The following PTGIS variants were observed in gnomAD, a reference collection of about 807,000 sequenced individuals.
The protein encoded by PTGIS is prostaglandin I2 synthase.
A neutral mutation model predicts 50.3 loss-of-function variants in PTGIS; 45 were observed. The ratio of observed to expected loss-of-function variants is 0.90; its 90% confidence interval spans 0.70 to 1.15. The LOEUF (loss-of-function observed/expected upper bound fraction) is 1.15. Among genes scored for constraint, PTGIS ranks in the 50% most tolerant of loss-of-function variants. PTGIS has a pLI of 0.00. For missense variants in PTGIS, 668 were observed against 661.3 expected, an observed-to-expected ratio of 1.01 and a Z score of -0.11; for synonymous variants, 260 against 267.7, an observed-to-expected ratio of 0.97 and a Z score of 0.28.
chr20:49,567,492 T>A (rs1194997515), intron 1 of PTGIS, among the ~76,000 whole-genome samples: 1 of 152,182 alleles, frequency 6.6e-6, no homozygotes, highest in South Asian at 2.1e-4. Flanking sequence ...TTCCAGGGCA[T>A]GATCAAGACA....
At chr20:49,546,922 C>A (rs1982374981) in intron 3 of PTGIS, among the ~76,000 whole-genome samples, 1 of 152,224 alleles carries the variant, frequency 6.6e-6, no homozygotes, top group South Asian at 2.1e-4. Flanking sequence ...TTCATCTGTT[C>A]TCTTATTGAT....
chr20:49,561,177 T>A (rs1279413001), intron 1 of PTGIS, among the ~76,000 whole-genome samples: 1 of 152,154 alleles, frequency 6.6e-6, no homozygotes, highest in Non-Finnish European at 1.5e-5. Context: ...CCTCTGCCCC[T>A]GTCTCCTGCT....
chr20:49,532,146 T>C (rs1168849085), intron 5 of PTGIS, among the ~76,000 whole-genome samples: 2 of 152,206 alleles, frequency 1.3e-5, no homozygotes, highest in Non-Finnish European at 2.9e-5. Context: ...AATGCTAAAA[T>C]GCTAATAATA....
At chr20:49,553,076 G>A (rs1461355308) in intron 1 of PTGIS, among the ~76,000 whole-genome samples, 2 of 152,032 alleles carry the variant, frequency 1.3e-5, no homozygotes, top group Non-Finnish European at 1.5e-5. Context: ...TAACAAATAA[G>A]CTGGTTTTAA....
intron 2 of PTGIS, 150 bp downstream of exon 2, chr20:49,549,915 TG>T: frequency 8.6e-7 from 1 of 1,160,822 alleles, no homozygotes; most frequent in Non-Finnish European, 1.3e-6. Context: ...GACAGGCAGC[TG>T]GATAGAAAGT....
intron 4 of PTGIS, among the ~76,000 whole-genome samples, chr20:49,543,096 A>G (rs1333176164): frequency 6.6e-6 from 1 of 152,100 alleles, no homozygotes; most frequent in Non-Finnish European, 1.5e-5. Context: ...ATTTAAATTA[A>G]ATTAAATTCT....
At chr20:49,528,992 G>A (rs957986306) in intron 5 of PTGIS, among the ~76,000 whole-genome samples, 1 of 152,116 alleles carries the variant, frequency 6.6e-6, no homozygotes, top group Admixed American at 6.5e-5. Flanking sequence ...GCCTTGCTGA[G>A]GTATAATTGA....
chr20:49,539,090 C>T (rs534550867), intron 5 of PTGIS, among the ~76,000 whole-genome samples: 2 of 152,134 alleles, frequency 1.3e-5, no homozygotes. Context: ...TAACACACAT[C>T]TGTGTGTCTG....
intron 6 of PTGIS, among the ~76,000 whole-genome samples, chr20:49,518,769 C>T (rs111780558): frequency 0.027 from 4,152 of 152,142 alleles, 204 homozygotes; most frequent in African/African-American, 0.094. Context: ...GGTGAGATTC[C>T]ACCCGAGTCT....
chr20:49,549,921 G>A lies in PTGIS; in HGVS notation c.198+145C>T. 4.0e-6 allele frequency: 5 copies of A among 1,258,866 alleles called. No individual in the cohort carries two copies. The Admixed American group carries it at 8.5e-5, about 21-fold the overall frequency. 78.0% of individuals were successfully genotyped at this position (1,258,866 alleles called of 1,614,324 possible). ...GTGCAGCTGGACAGGCAGCTGGATA[G>A]AAAGTTGGCTCGACCACTCAGATGG... On this transcript the variant is annotated intron_variant, in intron 2 of 9. Transcript: ENST00000244043.
At chr20:49,538,684 TTTATTTATTTATTTATTTAA>T (rs947601093) in intron 5 of PTGIS, among the ~76,000 whole-genome samples, 1 of 149,104 alleles carries the variant, frequency 6.7e-6, no homozygotes, top group African/African-American at 2.6e-5. Context: ...TATTTATTTA[TTTATTTATTTATTTATTTAA>T]GACAGAGTCT....
At chr20:49,546,193 G>C (rs79290565) in intron 3 of PTGIS, among the ~76,000 whole-genome samples, 6,205 of 152,274 alleles carry the variant, frequency 0.041, 355 homozygotes, top group African/African-American at 0.13. Context: ...TGTGGCTGCT[G>C]TGCCCAGAAG....
At position 49,539,506 on chromosome 20, in the gene PTGIS, T is replaced by C. The variant is rs950390433; in HGVS notation, c.673+64A>G. On this transcript the variant is annotated intron_variant, in intron 5 of 9. Transcript: ENST00000244043. ...GTTGCCTCTGGTCCTCTACCTTGAA[T>C]TGGGCTCCCCCTCTGGGTCTTTCCA... The C allele has an allele frequency of 4.2e-5, 66 of 1,559,090 alleles. No individual in the cohort carries two copies. The African/African-American group carries it at 7.6e-4, about 18-fold the overall frequency.
At chr20:49,542,292 C>T (rs1397342386) in intron 4 of PTGIS, among the ~76,000 whole-genome samples, 4 of 152,202 alleles carry the variant, frequency 2.6e-5, no homozygotes, top group Non-Finnish European at 5.9e-5. Context: ...ACCCCTTTCA[C>T]CTCTGTGTCC....
At chr20:49,556,652 T>C (rs1982627525) in intron 1 of PTGIS, among the ~76,000 whole-genome samples, 1 of 152,226 alleles carries the variant, frequency 6.6e-6, no homozygotes, top group Admixed American at 6.5e-5. Context: ...AAACTTATTT[T>C]ACAAATAAGT....
Position 49,517,294 on chromosome 20 carries a change from A to G in PTGIS, c.856-2899T>C, listed in dbSNP as rs180807074. Among the ~76,000 whole-genome samples the G allele has an allele frequency of 2.3e-3, 354 of 152,360 alleles. 2 individuals are homozygous for G. Among genetic ancestry groups the G allele is most frequent in the African/African-American group, 8.3e-3 (343 of 41,572 alleles). The stretch of plus-strand genomic sequence containing the variant: ...CTTAGCTCAGCGCCAAGGCCATTTT[A>G]TCTGGCCCAGATGGTTAGATGGGGG... On this transcript the variant is annotated intron_variant, in intron 6 of 9. Coordinates refer to ENST00000244043, the MANE Select transcript of PTGIS (RefSeq NM_000961.4).
intron 1 of PTGIS, among the ~76,000 whole-genome samples, chr20:49,565,127 C>A (rs970223999): frequency 7.1e-6 from 1 of 140,174 alleles, no homozygotes; most frequent in Admixed American, 7.4e-5. Context: ...CCTGCCACCA[C>A]GCCCGGCTAA....
At chr20:49,555,500 C>T (rs913535716) in intron 1 of PTGIS, among the ~76,000 whole-genome samples, 9 of 151,990 alleles carry the variant, frequency 5.9e-5, no homozygotes, top group Admixed American at 2.6e-4. Context: ...GAGACATATT[C>T]GGCTTATTTG....
intron 5 of PTGIS, among the ~76,000 whole-genome samples, chr20:49,528,385 G>A (rs1016196006): frequency 1.3e-5 from 2 of 152,084 alleles, no homozygotes; most frequent in Non-Finnish European, 2.9e-5. Context: ...GCCGAGACGG[G>A]CAGATCACCT....
Sources: gnomAD v4.1 joint callset for allele counts (sites outside exome capture counted in the v4.1 genomes callset) on GRCh38, gnomAD v4.1.1 for gene constraint, MANE v1.5 for transcripts, NCBI Gene and HGNC (gene_info 2026-07-23, HGNC 2026-07-21) for gene names.